The following ST18 variants were observed in gnomAD, a reference collection of about 807,000 sequenced individuals.
The protein encoded by ST18 is suppression of tumorigenicity 18 protein.
In ST18, 50 loss-of-function variants were observed where a neutral mutation model predicts 110.0. The observed-to-expected ratio is 0.45, with a 90% CI of 0.36 to 0.58. The LOEUF (loss-of-function observed/expected upper bound fraction) is 0.58. Among genes scored for constraint, ST18 ranks in the 20% least tolerant of loss-of-function variants. The probability of loss-of-function intolerance (pLI) is 0.00; values close to 1 mark genes in which losing one functional copy is unlikely to be tolerated. For missense variants in ST18, 1,306 were observed against 1,280.1 expected, an observed-to-expected ratio of 1.02 and a Z score of -0.31; for synonymous variants, 461 against 452.4, an observed-to-expected ratio of 1.02 and a Z score of -0.24.
At chr8:52,203,758 G>C (rs1354527414) in intron 8 of ST18, among the ~76,000 whole-genome samples, 3 of 152,178 alleles carry the variant, frequency 2.0e-5, no homozygotes, top group African/African-American at 7.2e-5. Context: ...GTTTGCATTG[G>C]AGGTGCTGAA....
At position 52,175,324 on chromosome 8, in the gene ST18, A is replaced by G. The variant is rs10106047; in HGVS notation, c.278-2741T>C. 9.7e-3 allele frequency among the ~76,000 whole-genome samples: 1,482 copies of G among 152,212 alleles called. 22 individuals are homozygous for G. Among genetic ancestry groups the G allele is most frequent in the African/African-American group, 0.034 (1,429 of 41,518 alleles). On this transcript the variant is annotated intron_variant, in intron 9 of 25. Transcript: ENST00000689386. Reference sequence around the variant, plus strand: ...AGATGGGCTTAGTTTTTTACCTAGGATAATTACTAACATTGACCCCCAAGG... The same window carrying G: ...AGATGGGCTTAGTTTTTTACCTAGGGTAATTACTAACATTGACCCCCAAGG...
At position 52,336,296 on chromosome 8, in the gene ST18, C is replaced by T. The variant is rs186491952; in HGVS notation, c.-465+73032G>A. On this transcript the variant is annotated intron_variant, in intron 2 of 25. Transcript: ENST00000689386. The stretch of plus-strand genomic sequence containing the variant: ...TCCCAGGTAGGTGGAATTACAGGTG[C>T]GCACCACCACACTCAGCTAATTTTT... Among the ~76,000 whole-genome samples the T allele has an allele frequency of 5.5e-4, 84 of 152,110 alleles. 2 individuals carry two copies. The Middle Eastern group carries it at 0.017, about 31-fold the overall frequency.
Position 52,320,144 on chromosome 8 carries a change from A to G in ST18, c.-465+89184T>C, listed in dbSNP as rs142736371. Among the ~76,000 whole-genome samples the G allele has an allele frequency of 6.8e-3, 1,034 of 151,280 alleles. 11 individuals carry two copies. The highest frequency in any genetic ancestry group is 0.024 in the African/African-American group (983 of 40,572). ...GTATGTAAACATTTTCCTTAAAGAT[A>G]CAGTGTTAAGTAAAAGTAGAAAGTA... On this transcript the variant is annotated intron_variant, in intron 2 of 25. Coordinates refer to ENST00000689386, the MANE Select transcript of ST18 (RefSeq NM_001352837.2).
chr8:52,224,635 G>A (rs1338681548), intron 3 of ST18, among the ~76,000 whole-genome samples: 1 of 152,192 alleles, frequency 6.6e-6, no homozygotes, highest in African/African-American at 2.4e-5. Flanking sequence ...AGCTCCCATG[G>A]CAAAGTGGGT....
At chr8:52,147,768 T>A (rs915663547) in intron 16 of ST18, among the ~76,000 whole-genome samples, 5 of 152,176 alleles carry the variant, frequency 3.3e-5, no homozygotes, top group Non-Finnish European at 7.4e-5. Context: ...AAGGGTCAGG[T>A]TTCCCTTTAG....
At chr8:52,384,409 T>A (rs999910448) in intron 2 of ST18, among the ~76,000 whole-genome samples, 1 of 151,928 alleles carries the variant, frequency 6.6e-6, no homozygotes, top group African/African-American at 2.4e-5. Context: ...TCCTACTAAG[T>A]CCTCCCACTT....
intron 2 of ST18, among the ~76,000 whole-genome samples, chr8:52,312,615 A>T (rs1332448091): frequency 6.6e-6 from 1 of 152,230 alleles, no homozygotes; most frequent in Non-Finnish European, 1.5e-5. Flanking sequence ...AATATAGCAT[A>T]AGTCACATGA....
chr8:52,298,838 T>C (rs1248909099), intron 2 of ST18, among the ~76,000 whole-genome samples: 1 of 152,242 alleles, frequency 6.6e-6, no homozygotes, highest in Non-Finnish European at 1.5e-5. Context: ...GGTTTTTCTC[T>C]TGGCACAATG....
At chr8:52,228,180 T>C (rs1053135249) in intron 3 of ST18, among the ~76,000 whole-genome samples, 2 of 152,200 alleles carry the variant, frequency 1.3e-5, no homozygotes, top group African/African-American at 4.8e-5. Context: ...TGAAGTGTAA[T>C]AGATTTTATG....
rs140320078 is a variant in ST18 at position 52,357,057 on chromosome 8, T to C, written c.-465+52271A>G. Among the ~76,000 whole-genome samples the C allele has an allele frequency of 1.0e-3, 156 of 152,180 alleles. 3 individuals carry two copies. The East Asian group carries it at 0.024, about 23-fold the overall frequency. On this transcript the variant is annotated intron_variant, in intron 2 of 25. Transcript: ENST00000689386. ...TGTAACAAACCTCCACATGTACCCC[T>C]GAATTTAAAATAAAAATATGAAAAA...
At chr8:52,165,422 AT>A (rs2062648814) in intron 11 of ST18, among the ~76,000 whole-genome samples, 197 bp from the exon 12 acceptor site, 1 of 152,200 alleles carries the variant, frequency 6.6e-6, no homozygotes, top group Non-Finnish European at 1.5e-5. Flanking sequence ...TCAAGTTGTA[AT>A]TTCTCTAAAC....
At chr8:52,164,777 G>A (rs1283331507) in intron 12 of ST18, among the ~76,000 whole-genome samples, 1 of 152,194 alleles carries the variant, frequency 6.6e-6, no homozygotes, top group African/African-American at 2.4e-5. Context: ...ACAGGATCCA[G>A]GATAACCTAG....
chr8:52,303,019 T>C (rs183173789), intron 2 of ST18, among the ~76,000 whole-genome samples: 2 of 152,318 alleles, frequency 1.3e-5, no homozygotes, highest in East Asian at 3.9e-4. Flanking sequence ...AGAATCCTTA[T>C]TTATTAAAAA....
chr8:52,378,981 C>T (rs909663587), intron 2 of ST18, among the ~76,000 whole-genome samples: 4 of 152,086 alleles, frequency 2.6e-5, no homozygotes, highest in Non-Finnish European at 5.9e-5. Flanking sequence ...TTTCAATTGT[C>T]ATAATTCTTG....
intron 16 of ST18, among the ~76,000 whole-genome samples, chr8:52,147,478 C>T (rs2057642654): frequency 6.6e-6 from 1 of 151,918 alleles, no homozygotes; most frequent in Admixed American, 6.6e-5. Flanking sequence ...GCAAGACACC[C>T]TAGATGAAGA....
intron 23 of ST18, 168 bp downstream of exon 23, chr8:52,125,884 T>C: frequency 1.7e-6 from 1 of 575,694 alleles, no homozygotes; most frequent in East Asian, 2.9e-5. Flanking sequence ...CACCAAAAAA[T>C]TGGTTTTTAA....
At chr8:52,254,033 C>CA (rs1203634171) in intron 2 of ST18, among the ~76,000 whole-genome samples, 5 of 151,558 alleles carry the variant, frequency 3.3e-5, no homozygotes. Flanking sequence ...AAATAATGCT[C>CA]AAATATACAT....
chr8:52,310,563 G>A (rs1175922767), intron 2 of ST18, among the ~76,000 whole-genome samples: 1 of 151,792 alleles, frequency 6.6e-6, no homozygotes, highest in Non-Finnish European at 1.5e-5. Context: ...AAGAAAAAAT[G>A]CTGAACAAAG....
At chr8:52,120,617 G>A (rs1035470333) in intron 23 of ST18, among the ~76,000 whole-genome samples, 1 of 152,164 alleles carries the variant, frequency 6.6e-6, no homozygotes, top group Non-Finnish European at 1.5e-5. Context: ...GCAAGAAAGT[G>A]AATGATGGGA....
Sources: gnomAD v4.1 joint callset for allele counts (sites outside exome capture counted in the v4.1 genomes callset) on GRCh38, gnomAD v4.1.1 for gene constraint, MANE v1.5 for transcripts, NCBI Gene and HGNC (gene_info 2026-07-23, HGNC 2026-07-21) for gene names.